Variants in BTBD8 observed in about 807,000 individuals in gnomAD.
The protein encoded by BTBD8 is BTB/POZ domain-containing protein 8.
BTBD8 carries 110 observed loss-of-function variants against 162.9 expected under a neutral mutation model. That is an observed-to-expected ratio of 0.68 (90% CI 0.58 to 0.79). BTBD8 has a LOEUF of 0.79. BTBD8 is among the 30% of genes least tolerant of loss of function. The pLI is 0.00. For missense variants in BTBD8, 1,905 were observed against 2,085.4 expected, an observed-to-expected ratio of 0.91 and a Z score of 1.68; for synonymous variants, 667 against 716.1, an observed-to-expected ratio of 0.93 and a Z score of 1.10.
At chr1:92,083,690 A>G (rs948182857) in intron 1 of BTBD8, among the ~76,000 whole-genome samples, 1 of 152,162 alleles carries the variant, frequency 6.6e-6, no homozygotes, top group African/African-American at 2.4e-5. Flanking sequence ...TGTTTTTAAA[A>G]TAGGGAATTA....
chr1:92,138,397 T>C (rs1282753761), intron 5 of BTBD8, among the ~76,000 whole-genome samples: 4 of 152,252 alleles, frequency 2.6e-5, no homozygotes, highest in Non-Finnish European at 5.9e-5. Flanking sequence ...GCTAAAATTT[T>C]GTAGCATTTT....
chr1:92,093,187 A>ATTTTTTTT (rs5776134), intron 2 of BTBD8, among the ~76,000 whole-genome samples: 1 of 119,846 alleles, frequency 8.3e-6, no homozygotes, highest in Non-Finnish European at 1.7e-5. Flanking sequence ...TGAAATACCA[A>ATTTTTTTT]TTTTTTTTTT....
rs559764261 is a variant in BTBD8, at chr1:92,124,846, T to A, written c.663-4841T>A. 5.3e-5 allele frequency among the ~76,000 whole-genome samples: 8 copies of A among 152,334 alleles called. No homozygotes were observed. In the South Asian group the frequency reaches 1.5e-3, roughly 28 times the overall value. ...ATTTTTTCAAACCTAAGATATATCC[T>A]TTCTTGAACATAATTATGGTGAGTT... On this transcript the variant is annotated intron_variant, in intron 4 of 17. Coordinates refer to ENST00000636805, the MANE Select transcript of BTBD8 (RefSeq NM_001376131.1).
Position 92,183,900 on chromosome 1 carries a change from G to A in BTBD8, c.4949G>A (p.Arg1650His), listed in dbSNP as rs199883054. 8.6e-5 allele frequency: 133 copies of A among 1,550,686 alleles called. 2 individuals carry two copies. The highest frequency in any genetic ancestry group is 8.5e-4 in the South Asian group (71 of 83,984). The change falls in exon 18 of 18, where the codon CGC (arginine) becomes CAC (histidine). Residue 1650 changes from arginine (R) to histidine (H), a missense_variant. Arg to His is a conservative substitution (Grantham distance 29, BLOSUM62 0). Coordinates refer to ENST00000636805, the MANE Select transcript of BTBD8 (RefSeq NM_001376131.1). ...GATTGTGACACACTGGCACAAACCCGCATGTATGACCATCGGCCTTCAAAA... is the reference window on the plus strand; with the variant it reads ...GATTGTGACACACTGGCACAAACCCACATGTATGACCATCGGCCTTCAAAA... Reference protein sequence around the residue: ...IDDCDTLAQTRMYDHRPSKTL... With the variant: ...IDDCDTLAQTHMYDHRPSKTL...
chr1:92,088,849 A>G lies in BTBD8; in HGVS notation c.301A>G (p.Ile101Val), dbSNP rs746972362. The change falls in exon 2 of 18, where the codon ATT becomes GTT. Residue 101 changes from isoleucine to valine, a missense_variant. Around this residue, in one of 3 missense-constraint regions of BTBD8, gnomAD observed 1,374 missense variants for 1,442.7 expected, o/e 0.95. Transcript: ENST00000636805. ...AAATAGTTTAACAAATCAGGAGCCT[A>G]TTGCTGTGGAGAATGTTGAAGCTTT... Reference protein sequence around the residue: ...TSNSLTNQEPIAVENVEALEF... With the variant: ...TSNSLTNQEPVAVENVEALEF... 2.5e-6 allele frequency: 4 copies of G among 1,612,912 alleles called. No homozygotes were observed. The South Asian group carries it at 3.3e-5, about 13-fold the overall frequency.
chr1:92,123,310 A>G (rs1444392224), intron 4 of BTBD8, among the ~76,000 whole-genome samples: 1 of 152,146 alleles, frequency 6.6e-6, no homozygotes, highest in Non-Finnish European at 1.5e-5. Context: ...TCTTCTGTTG[A>G]TGGTTGCTTT....
intron 4 of BTBD8, among the ~76,000 whole-genome samples, chr1:92,121,500 A>G (rs1373492384): frequency 1.3e-5 from 2 of 152,208 alleles, no homozygotes; most frequent in African/African-American, 2.4e-5. Context: ...AGAATTCACT[A>G]GGGAAGTTAT....
intron 2 of BTBD8, among the ~76,000 whole-genome samples, chr1:92,091,631 C>T (rs559435184): frequency 1.3e-5 from 2 of 151,940 alleles, no homozygotes; most frequent in Non-Finnish European, 1.5e-5. Context: ...GCCTCCCGGT[C>T]GCCATTCTCC....
intron 9 of BTBD8, among the ~76,000 whole-genome samples, chr1:92,161,648 G>T (rs573243657): frequency 6.6e-6 from 1 of 152,278 alleles, no homozygotes; most frequent in African/African-American, 2.4e-5. Flanking sequence ...AGAAGTGGAC[G>T]TGAGAACTAC....
At chr1:92,129,651 A>G (rs1204380361) in intron 4 of BTBD8, 36 bp from the exon 5 acceptor site, 1 of 1,446,622 alleles carries the variant, frequency 6.9e-7, no homozygotes, top group Non-Finnish European at 9.7e-7. Flanking sequence ...TAATATGTAA[A>G]TGTTTACCTG....
At position 92,181,187 on chromosome 1, in the gene BTBD8, T is replaced by G; in HGVS notation, c.3504T>G (p.Val1168=). The G allele has an allele frequency of 6.4e-7, 1 of 1,551,704 alleles. No individual in the cohort carries two copies. The highest frequency in any genetic ancestry group is 8.7e-7 in the Non-Finnish European group (1 of 1,146,988). The change falls in exon 17 of 18, where the codon GTT becomes GTG. Residue 1168 remains valine (V), a synonymous_variant. Coordinates refer to ENST00000636805, the MANE Select transcript of BTBD8 (RefSeq NM_001376131.1). ...CTCAAGAAGACAAAAAATCGAAAGT[T>G]CCTGTGGAAGGACTGACAATTCCTA... ...NSAQEDKKSK[V]PVEGLTIPSK...
At chr1:92,109,976 C>T (rs1178209225) in intron 4 of BTBD8, among the ~76,000 whole-genome samples, 2 of 152,198 alleles carry the variant, frequency 1.3e-5, no homozygotes, top group Admixed American at 1.3e-4. Flanking sequence ...TAGGTATCAA[C>T]ATTTTTAAAA....
chr1:92,097,027 C>T (rs770899614), intron 2 of BTBD8, among the ~76,000 whole-genome samples: 1 of 152,192 alleles, frequency 6.6e-6, no homozygotes, highest in South Asian at 2.1e-4. Context: ...CACATACTTG[C>T]ATCTGTACCT....
At chr1:92,105,040 C>T (rs905787362) in intron 3 of BTBD8, among the ~76,000 whole-genome samples, 2 of 151,876 alleles carry the variant, frequency 1.3e-5, no homozygotes, top group African/African-American at 4.8e-5. Context: ...TCACGCCATT[C>T]TCCTGCCTCA....
At chr1:92,115,699 G>C (rs1008770528) in intron 4 of BTBD8, 2 of 288,632 alleles carry the variant, frequency 6.9e-6, no homozygotes, top group Non-Finnish European at 6.8e-6. Flanking sequence ...GTCAGTGAAG[G>C]GGTCATTGAT....
chr1:92,103,905 G>A (rs1648659516), intron 3 of BTBD8, among the ~76,000 whole-genome samples: 3 of 152,184 alleles, frequency 2.0e-5, no homozygotes, highest in Admixed American at 2.0e-4. Context: ...TCATAGAAAA[G>A]TGTCTCCCAA....
chr1:92,180,332 G>A lies in BTBD8; in HGVS notation c.2649G>A (p.Val883=). ...CTTCAAGGCAGTCTGATGAAAATGTGGCAAAGTTGGACCACAATACAACTA... is the reference window on the plus strand; with the variant it reads ...CTTCAAGGCAGTCTGATGAAAATGTAGCAAAGTTGGACCACAATACAACTA... ...SVSSRQSDEN[V]AKLDHNTTTE... is the part of the protein sequence containing the mutation. Residue 883 remains valine (V), a synonymous_variant, in exon 17 of 18, where the codon GTG becomes GTA. Coordinates refer to ENST00000636805, the MANE Select transcript of BTBD8 (RefSeq NM_001376131.1). 1 of 1,551,312 alleles carries A rather than the reference G, an allele frequency of 6.4e-7. No individual in the cohort carries two copies. The highest frequency in any genetic ancestry group is 8.7e-7 in the Non-Finnish European group (1 of 1,146,848).
Position 92,181,482 on chromosome 1 carries a change from G to A in BTBD8, c.3799G>A (p.Glu1267Lys), listed in dbSNP as rs1396402570. ...TSSDDIKPRS[E>K]DYDAGGSQDD... The stretch of plus-strand genomic sequence containing the variant: ...CTCCGATGACATAAAGCCCAGATCT[G>A]AAGACTATGATGCTGGAGGGTCTCA... The change falls in exon 17 of 18, where the codon GAA becomes AAA. Residue 1267 changes from glutamate to lysine, a missense_variant. Physicochemically the swap from Glu to Lys is moderately conservative, Grantham distance 56. Transcript: ENST00000636805. 1.9e-6 allele frequency: 3 copies of A among 1,551,632 alleles called. No homozygotes were observed. The highest frequency in any genetic ancestry group is 2.4e-5 in the East Asian group (1 of 40,932).
intron 4 of BTBD8, among the ~76,000 whole-genome samples, chr1:92,122,988 A>G (rs986226579): frequency 6.6e-6 from 1 of 152,184 alleles, no homozygotes; most frequent in Non-Finnish European, 1.5e-5. Flanking sequence ...TTGTGTTATT[A>G]TGGTTCTCTA....
Sources: gnomAD v4.1 joint callset for allele counts (sites outside exome capture counted in the v4.1 genomes callset) on GRCh38, gnomAD v4.1.1 for gene constraint, gnomAD v4.1.1 regional missense constraint, MANE v1.5 for transcripts, NCBI Gene and HGNC (gene_info 2026-07-23, HGNC 2026-07-21) for gene names.